CHST15: variants seen among roughly 807,000 people sequenced by gnomAD.
The protein encoded by CHST15 is B cell RAG associated protein (GALNAC4S-6ST).
CHST15 carries 30 observed loss-of-function variants against 53.6 expected under a neutral mutation model. That is an observed-to-expected ratio of 0.56 (90% CI 0.42 to 0.76). The LOEUF is 0.76. CHST15 is among the 30% of genes least tolerant of loss of function. CHST15 has a pLI of 0.00. For missense variants in CHST15, 627 were observed against 740.5 expected (o/e 0.85, Z 1.78); for synonymous variants, 296 against 289.8 (o/e 1.02, Z -0.22).
chr10:124,043,717 G>A (rs1309808613), intron 3 of CHST15, among the ~76,000 whole-genome samples: 2 of 152,236 alleles, frequency 1.3e-5, no homozygotes, highest in Non-Finnish European at 2.9e-5. Context: ...GTAAGCCTGC[G>A]GCAAAGGGCT....
intron 1 of CHST15, among the ~76,000 whole-genome samples, chr10:124,070,684 G>A (rs1422628518): frequency 6.6e-6 from 1 of 152,154 alleles, no homozygotes; most frequent in Non-Finnish European, 1.5e-5. Context: ...CCTCAATAAA[G>A]ATTATTAAAG....
At chr10:124,023,824 T>A (rs537241358) in intron 5 of CHST15, among the ~76,000 whole-genome samples, 1 of 151,538 alleles carries the variant, frequency 6.6e-6, no homozygotes, top group Non-Finnish European at 1.5e-5. Context: ...TCCAGGTATC[T>A]GACATCCATA....
chr10:124,090,725 G>A (rs1305443139), intron 1 of CHST15, among the ~76,000 whole-genome samples: 1 of 152,232 alleles, frequency 6.6e-6, no homozygotes, highest in Non-Finnish European at 1.5e-5. Flanking sequence ...CAGCAGCCAC[G>A]GTGACCGTGC....
At chr10:124,081,710 C>G (rs1949246757) in intron 1 of CHST15, among the ~76,000 whole-genome samples, 1 of 152,178 alleles carries the variant, frequency 6.6e-6, no homozygotes, top group Non-Finnish European at 1.5e-5. Context: ...AACATAAACG[C>G]TGGAAGGACC....
intron 5 of CHST15, among the ~76,000 whole-genome samples, chr10:124,026,371 T>C (rs1947009992): frequency 6.6e-6 from 1 of 152,198 alleles, no homozygotes; most frequent in African/African-American, 2.4e-5. Context: ...AGTGAGTTAA[T>C]AATCTTGGGT....
In CHST15 at chr10:124,010,320, C is replaced by G. The variant is rs1946377134; in HGVS notation, c.1515G>C (p.Gln505His). ...CGGGGCTCTTGGTCATCAAAGCCTCCTGCTTCTCACTTAAGGGCCCTAGAA... is the reference window on the plus strand; with the variant it reads ...CGGGGCTCTTGGTCATCAAAGCCTCGTGCTTCTCACTTAAGGGCCCTAGAA... ...FLNLGPLSEK[Q>H]EALMTKSPAS... The change falls in exon 8 of 8, where the codon CAG (glutamine) becomes CAC (histidine). Residue 505 changes from glutamine (Q) to histidine (H), a missense_variant. Around this residue, in one of 3 missense-constraint regions of CHST15, gnomAD observed 279 missense variants for 371.6 expected, o/e 0.75. Transcript: ENST00000435907. 3.1e-6 allele frequency: 5 copies of G among 1,605,272 alleles called. No individual in the cohort carries two copies. Among genetic ancestry groups the G allele is most frequent in the Non-Finnish European group, 4.3e-6 (5 of 1,174,966 alleles).
chr10:124,086,436 T>A (rs537358124), intron 1 of CHST15, among the ~76,000 whole-genome samples: 1 of 152,168 alleles, frequency 6.6e-6, no homozygotes, highest in Non-Finnish European at 1.5e-5. Context: ...CCCAGGAATA[T>A]GGAAGGAGGG....
Position 124,009,612 on chromosome 10 carries a change from A to C in CHST15, c.*537T>G. On this transcript the variant is annotated 3_prime_UTR_variant, in exon 8 of 8. Transcript: ENST00000435907. Reference sequence around the variant, plus strand: ...TGTCCCAGTGAGGTTAGCGATCGCAACAAGAGTGTTTCAGAAGTGAATGTG... The same window carrying C: ...TGTCCCAGTGAGGTTAGCGATCGCACCAAGAGTGTTTCAGAAGTGAATGTG... 1 of 992,896 alleles carries C rather than the reference A, an allele frequency of 1.0e-6. No homozygotes were observed. The highest frequency in any genetic ancestry group is 1.2e-6 in the Non-Finnish European group (1 of 833,900). The allele number at this position is 992,896 out of a possible 1,614,324, so 61.5% of individuals were successfully genotyped here. A position where few individuals can be genotyped will look rare whatever the true frequency, so the allele number is the denominator to read the frequency against.
intron 3 of CHST15, 122 bp from the exon 4 acceptor site, chr10:124,042,569 G>A (rs914205381): frequency 9.0e-7 from 1 of 1,117,056 alleles, no homozygotes; most frequent in Non-Finnish European, 1.3e-6. Flanking sequence ...AGCAGCAAGA[G>A]GCTCAGCCCA....
At position 124,014,146 on chromosome 10, in the gene CHST15, GC is replaced by G. The variant is rs1298795975; in HGVS notation, c.1348-1667del. Reference sequence around the variant, plus strand: ...CCTCCCTGGAGTTCCCATTTTTTAGGCAGACACTCTCATGTCACATTTCCTT... The same window carrying G: ...CCTCCCTGGAGTTCCCATTTTTTAGGAGACACTCTCATGTCACATTTCCTT... On this transcript the variant is annotated intron_variant, in intron 6 of 7. Coordinates refer to ENST00000435907, the MANE Select transcript of CHST15 (RefSeq NM_001270764.2). Among the ~76,000 whole-genome samples the G allele has an allele frequency of 2.0e-5, 3 of 152,118 alleles. No individual in the cohort carries two copies. The East Asian group carries it at 5.8e-4, about 29-fold the overall frequency.
chr10:124,067,552 A>G (rs1948785180), intron 1 of CHST15, among the ~76,000 whole-genome samples: 3 of 152,250 alleles, frequency 2.0e-5, no homozygotes, highest in South Asian at 4.1e-4. Context: ...TGGGCAATTA[A>G]GCTTATAAGT....
At chr10:124,066,440 A>G (rs1292466780) in intron 1 of CHST15, among the ~76,000 whole-genome samples, 1 of 148,658 alleles carries the variant, frequency 6.7e-6, no homozygotes, top group Non-Finnish European at 1.5e-5. Context: ...ACCTCCTCTT[A>G]TGTAACTGGC....
intron 5 of CHST15, among the ~76,000 whole-genome samples, chr10:124,031,897 GT>G (rs1382975825): frequency 6.6e-6 from 1 of 152,142 alleles, no homozygotes; most frequent in Non-Finnish European, 1.5e-5. Context: ...CAATGCCTGT[GT>G]TCCTGCCACC....
At position 124,019,877 on chromosome 10, in the gene CHST15, C is replaced by T. The variant is rs892635367; in HGVS notation, c.1347+1379G>A. ...AGTGCCCCCCATCTCCCACACCAGGCGGCTGGCTGCGTTCTGTATGGTAGG... is the reference window on the plus strand; with the variant it reads ...AGTGCCCCCCATCTCCCACACCAGGTGGCTGGCTGCGTTCTGTATGGTAGG... On this transcript the variant is annotated intron_variant, in intron 6 of 7. Transcript: ENST00000435907. This position sits in a 1 kb window ranked among gnomAD's most constrained non-coding sequence, Gnocchi z 4.6. 9.1e-6 allele frequency: 9 copies of T among 985,864 alleles called. No individual in the cohort carries two copies. Among genetic ancestry groups the T allele is most frequent in the Admixed American group, 1.2e-4 (2 of 16,272 alleles). The allele number at this position is 985,864 out of a possible 1,614,324, so 61.1% of individuals were successfully genotyped here.
At chr10:124,020,626 C>T in intron 6 of CHST15, 1 of 987,834 alleles carries the variant, frequency 1.0e-6, no homozygotes, top group Non-Finnish European at 1.2e-6. Flanking sequence ...GAACACGCAG[C>T]GGCAATGCTC....
chr10:124,017,083 G>T (rs943247215), intron 6 of CHST15, among the ~76,000 whole-genome samples: 3 of 152,150 alleles, frequency 2.0e-5, no homozygotes, highest in Admixed American at 2.0e-4. Context: ...AAAGTGCCCG[G>T]TAGCAAGCAG....
At chr10:124,066,550 GATGACAACACAGTCGATGACATCGCT>G (rs1948755363) in intron 1 of CHST15, among the ~76,000 whole-genome samples, 1 of 151,282 alleles carries the variant, frequency 6.6e-6, no homozygotes. Flanking sequence ...TTCCCCTTTG[GATGACAACACAGTCGATGACATCGCT>G]GGAAAGTCTT....
intron 1 of CHST15, among the ~76,000 whole-genome samples, chr10:124,061,071 C>T (rs1199500760): frequency 6.6e-6 from 1 of 152,152 alleles, no homozygotes; most frequent in South Asian, 2.1e-4. Flanking sequence ...GGTGGGGTGA[C>T]GTGGCTTGCC....
At chr10:124,035,116 G>GCCCCCTAACAGGGACCCCGGCTCCA (rs1947417435) in intron 5 of CHST15, among the ~76,000 whole-genome samples, 2 of 82,422 alleles carry the variant, frequency 2.4e-5, no homozygotes, top group Non-Finnish European at 5.0e-5. Context: ...CCCCGGCTCC[G>GCCCCCTAACAGGGACCCCGGCTCCA]CCCCCTAACA....
Sources: allele counts gnomAD v4.1 joint callset (sites outside exome capture counted in the v4.1 genomes callset), GRCh38; gene constraint gnomAD v4.1.1; regional missense constraint gnomAD v4.1.1; non-coding constraint Gnocchi (gnomAD v3.1); transcripts MANE v1.5; gene names NCBI Gene and HGNC (gene_info 2026-07-23, HGNC 2026-07-21).